Variants in WNT5A observed in about 807,000 individuals in gnomAD.
WNT5A encodes Wnt family member 5A.
In WNT5A, 9 loss-of-function variants were observed where a neutral mutation model predicts 42.1. The observed-to-expected ratio is 0.21, with a 90% CI of 0.13 to 0.37. The LOEUF is 0.37. Among genes scored for constraint, WNT5A ranks in the 10% least tolerant of loss-of-function variants. The pLI is 1.00. For synonymous variants in WNT5A, 210 were observed against 210.0 expected (o/e 1.00, Z 0.00); for missense variants, 426 against 534.0 (o/e 0.80, Z 1.99).
chr3:55,495,263 T>C (rs1432729560), upstream of WNT5A, among the ~76,000 whole-genome samples: 1 of 152,232 alleles, frequency 6.6e-6, no homozygotes, highest in African/African-American at 2.4e-5. Flanking sequence ...ATAGTCACCA[T>C]ATTATACAAT....
chr3:55,485,824 G>A lies in WNT5A; in HGVS notation c.6+1156C>T, dbSNP rs79834278. Among the ~76,000 whole-genome samples, 423 of 152,278 alleles carry A rather than the reference G, an allele frequency of 2.8e-3. 1 individual carries two copies. Among genetic ancestry groups the A allele is most frequent in the African/African-American group, 9.5e-3 (394 of 41,560 alleles). ...AGGGATTAGAAAGTCAAACAGGGCC[G>A]TGGGGTCTCCAGACTTGAAGTTTTT... On this transcript the variant is annotated intron_variant, in intron 1 of 4. Transcript: ENST00000264634.
Position 55,480,814 on chromosome 3 carries a change from G to C in WNT5A, c.111C>G (p.Ala37=), listed in dbSNP as rs922287484. The C allele has an allele frequency of 6.4e-7, 1 of 1,574,570 alleles. No individual in the cohort carries two copies. Among genetic ancestry groups the C allele is most frequent in the Admixed American group, 1.8e-5 (1 of 54,618 alleles). ...AAGAATTGGCTTCAATTACAACCTG[G>C]GCGAAGGAGAAAAATATGGCCAAAG... ...LVALAIFFSF[A]QVVIEANSWW... is the part of the protein sequence containing the mutation. Residue 37 remains alanine (A), a synonymous_variant, in exon 2 of 5, where the codon GCC becomes GCG. Transcript: ENST00000264634.
intron 4 of WNT5A, among the ~76,000 whole-genome samples, chr3:55,471,455 G>A (rs536285910): frequency 6.6e-6 from 1 of 152,324 alleles, no homozygotes; most frequent in South Asian, 2.1e-4. Flanking sequence ...ACCTTTCCGG[G>A]CCTCTGTTTT....
At chr3:55,480,032 A>G (rs917340235) in intron 2 of WNT5A, among the ~76,000 whole-genome samples, 2 of 152,156 alleles carry the variant, frequency 1.3e-5, no homozygotes, top group Non-Finnish European at 2.9e-5. Context: ...ACAGAGGGAC[A>G]AGTATACAGA....
chr3:55,492,279 C>T (rs867026622), upstream of WNT5A, among the ~76,000 whole-genome samples: 2 of 151,850 alleles, frequency 1.3e-5, no homozygotes, highest in East Asian at 1.9e-4. Flanking sequence ...TTTTAGGGAA[C>T]CTGTGGGTCA....
intron 3 of WNT5A, among the ~76,000 whole-genome samples, chr3:55,475,016 G>A (rs991609833): frequency 1.3e-5 from 2 of 151,964 alleles, no homozygotes; most frequent in African/African-American, 2.4e-5. Context: ...GGCCCAGCTT[G>A]AGGGGAAGCC....
At chr3:55,477,133 T>C (rs2051371785) in intron 3 of WNT5A, among the ~76,000 whole-genome samples, 1 of 152,130 alleles carries the variant, frequency 6.6e-6, no homozygotes, top group Non-Finnish European at 1.5e-5. Context: ...TGCTGAGGGC[T>C]TTGGGGTGGG....
Position 55,469,874 on chromosome 3 carries a change from A to G in WNT5A, c.*218T>C, listed in dbSNP as rs1365296448. 2.0e-6 allele frequency: 1 copy of G among 505,488 alleles called. No individual in the cohort carries two copies. The highest frequency in any genetic ancestry group is 1.9e-5 in the African/African-American group (1 of 51,830). The allele number at this position is 505,488 out of a possible 1,614,324, so 31.3% of individuals were successfully genotyped here. A position where few individuals can be genotyped will look rare whatever the true frequency, so the allele number is the denominator to read the frequency against. The stretch of plus-strand genomic sequence containing the variant: ...ACCTTTTCAAAGATCCACAAAATAA[A>G]TATTTTTCTTGGTTCCCACCCCCAT... On this transcript the variant is annotated 3_prime_UTR_variant, in exon 5 of 5. Coordinates refer to ENST00000264634, the MANE Select transcript of WNT5A (RefSeq NM_003392.7).
At chr3:55,495,273 T>C (rs2051704136), upstream of WNT5A, among the ~76,000 whole-genome samples, 1 of 152,230 alleles carries the variant, frequency 6.6e-6, no homozygotes, top group African/African-American at 2.4e-5. Flanking sequence ...TATTATACAA[T>C]AGATCTTTTG....
intron 3 of WNT5A, among the ~76,000 whole-genome samples, chr3:55,476,873 G>A (rs2051367501): frequency 6.6e-6 from 1 of 152,150 alleles, no homozygotes; most frequent in Admixed American, 6.5e-5. Flanking sequence ...TTCACAGCAT[G>A]GAAACAAAGA....
intron 1 of WNT5A, among the ~76,000 whole-genome samples, chr3:55,482,334 G>T (rs938327069): frequency 8.5e-5 from 13 of 152,238 alleles, no homozygotes; most frequent in Non-Finnish European, 1.5e-4. Context: ...GTAGGTGGCG[G>T]GTGCGGGTGG....
the WNT5A span, among the ~76,000 whole-genome samples, chr3:55,498,840 C>G: frequency 8.6e-5 from 13 of 152,030 alleles, no homozygotes; most frequent in Non-Finnish European, 2.9e-5. Context: ...CTGTTTGGCT[C>G]TAAATGTGGA....
chr3:55,479,589 C>T (rs1409336055), intron 2 of WNT5A, 25 bp from the exon 3 acceptor site: 28 of 1,549,536 alleles, frequency 1.8e-5, no homozygotes, highest in Non-Finnish European at 2.4e-5. Flanking sequence ...GATGTGCATT[C>T]AAGATTTACG....
chr3:55,479,076 G>C (rs2051407453), intron 3 of WNT5A: 1 of 353,136 alleles, frequency 2.8e-6, no homozygotes, highest in Non-Finnish European at 5.0e-6. Flanking sequence ...TTAAGTGTTT[G>C]CAAAAATGAA....
At chr3:55,482,961 T>G (rs1035074684) in intron 1 of WNT5A, among the ~76,000 whole-genome samples, 2 of 152,214 alleles carry the variant, frequency 1.3e-5, no homozygotes, top group African/African-American at 4.8e-5. Context: ...TGCGACATGT[T>G]TCCGAGTCAG....
At chr3:55,502,550 C>T in the WNT5A span, among the ~76,000 whole-genome samples, 1 of 152,198 alleles carries the variant, frequency 6.6e-6, no homozygotes, top group African/African-American at 2.4e-5. Context: ...TTGCAAAGAA[C>T]TATCTTAAGC....
upstream of WNT5A, among the ~76,000 whole-genome samples, chr3:55,495,201 G>A (rs1248647912): frequency 6.6e-6 from 1 of 152,086 alleles, no homozygotes; most frequent in Non-Finnish European, 1.5e-5. Flanking sequence ...TGAGCACATC[G>A]AAAATTTGTA....
the WNT5A span, among the ~76,000 whole-genome samples, chr3:55,499,801 C>T: frequency 2.6e-5 from 4 of 151,818 alleles, no homozygotes; most frequent in South Asian, 6.3e-4. Flanking sequence ...ATTGTGAAAC[C>T]CCATCTCTAT....
chr3:55,483,603 ACT>A lies in WNT5A; in HGVS notation c.7-2687_7-2686del, dbSNP rs572753209. Reference sequence around the variant, plus strand: ...ACACTTTCGGGGCTCAGGGAAGATGACTCTGTAAGGACACTGAGAATCTTCCT... The same window carrying A: ...ACACTTTCGGGGCTCAGGGAAGATGACTGTAAGGACACTGAGAATCTTCCT... On this transcript the variant is annotated intron_variant, in intron 1 of 4. Coordinates refer to ENST00000264634, the MANE Select transcript of WNT5A (RefSeq NM_003392.7). The surrounding 1 kb of genome is among the most constrained non-coding windows in gnomAD (Gnocchi z 4.2). Among the ~76,000 whole-genome samples the A allele has an allele frequency of 1.1e-4, 17 of 152,198 alleles. No individual in the cohort carries two copies. Among genetic ancestry groups the A allele is most frequent in the African/African-American group, 3.9e-4 (16 of 41,526 alleles).
Sources: gnomAD v4.1 joint callset for allele counts (sites outside exome capture counted in the v4.1 genomes callset) on GRCh38, gnomAD v4.1.1 for gene constraint, Gnocchi (gnomAD v3.1) non-coding constraint, MANE v1.5 for transcripts, NCBI Gene and HGNC (gene_info 2026-07-23, HGNC 2026-07-21) for gene names.